Variants in SLC23A1 observed in about 807,000 individuals in gnomAD.
The protein encoded by SLC23A1 is solute carrier family 23 member 1.
SLC23A1 carries 31 observed loss-of-function variants against 62.5 expected under a neutral mutation model. That is an observed-to-expected ratio of 0.50 (90% CI 0.37 to 0.67). SLC23A1 has a LOEUF of 0.67. Among genes scored for constraint, SLC23A1 ranks in the 30% least tolerant of loss-of-function variants. SLC23A1 has a pLI of 0.00. For synonymous variants in SLC23A1, 271 were observed against 313.2 expected (o/e 0.87, Z 1.42); for missense variants, 640 against 782.7 (o/e 0.82, Z 2.18).
chr5:139,378,436 G>T lies in SLC23A1; in HGVS notation c.1180-85C>A, dbSNP rs1358172921. The T allele has an allele frequency of 1.3e-6, 2 of 1,500,104 alleles. No individual in the cohort carries two copies. Among genetic ancestry groups the T allele is most frequent in the Non-Finnish European group, 1.8e-6 (2 of 1,109,254 alleles). 92.9% of individuals were successfully genotyped at this position (1,500,104 alleles called of 1,614,324 possible). On this transcript the variant is annotated intron_variant, in intron 10 of 14. Coordinates refer to ENST00000348729, the MANE Select transcript of SLC23A1 (RefSeq NM_005847.5). This position sits in a 1 kb window ranked among gnomAD's most constrained non-coding sequence, Gnocchi z 4.5. ...CAGGGGCGGGGCCTGTTATAAGAGC[G>T]AGGCATAAACCGGCTGGGGCTTGAT...
rs1166688111 is a variant in SLC23A1, at chr5:139,378,218, T to A, written c.1309+4A>T. On this transcript the variant is annotated splice_donor_region_variant and intron_variant, in intron 11 of 14. Transcript: ENST00000348729. The surrounding 1 kb of genome is among the most constrained non-coding windows in gnomAD (Gnocchi z 4.5). ...GCGACCCGTGGCCCGCGCCAGACAC[T>A]CACCAAAGAGAGTGCAGAACATGCC... 6.2e-7 allele frequency: 1 copy of A among 1,612,256 alleles called. No homozygotes were observed. Among genetic ancestry groups the A allele is most frequent in the Non-Finnish European group, 8.5e-7 (1 of 1,179,364 alleles).
Position 139,379,106 on chromosome 5 carries a change from G to A in SLC23A1, c.1073+101C>T, listed in dbSNP as rs956221482. The A allele has an allele frequency of 4.1e-6, 5 of 1,226,416 alleles. No individual in the cohort carries two copies. Among genetic ancestry groups the A allele is most frequent in the South Asian group, 2.7e-5 (2 of 75,006 alleles). 76.0% of individuals were successfully genotyped at this position (1,226,416 alleles called of 1,614,324 possible). On this transcript the variant is annotated intron_variant, in intron 9 of 14. Coordinates refer to ENST00000348729, the MANE Select transcript of SLC23A1 (RefSeq NM_005847.5). This position sits in a 1 kb window ranked among gnomAD's most constrained non-coding sequence, Gnocchi z 4.7. ...AGAATGAGGTCTGGAGCGTGTTCCC[G>A]ACTTGCCTAAGCCTACCCCCTGGGC...
At chr5:139,376,168 GAT>G (rs1757934957) in intron 13 of SLC23A1, among the ~76,000 whole-genome samples, 1 of 35,948 alleles carries the variant, frequency 2.8e-5, no homozygotes, top group African/African-American at 1.1e-4. Flanking sequence ...CCAGATTTGC[GAT>G]GTTTTAATTT....
chr5:139,379,933 C>T lies in SLC23A1; in HGVS notation c.768+23G>A. On this transcript the variant is annotated intron_variant, in intron 7 of 14. Transcript: ENST00000348729. This position sits in a 1 kb window ranked among gnomAD's most constrained non-coding sequence, Gnocchi z 4.7. ...CCAAGCCCTGGCCATAGTCCCAGCC[C>T]CAGCCGCCTGCCAGGTCCTCACAGG... 5 of 1,614,132 alleles carry T rather than the reference C, an allele frequency of 3.1e-6. No homozygotes were observed. The highest frequency in any genetic ancestry group is 4.2e-6 in the Non-Finnish European group (5 of 1,180,016).
rs2152073045 is a variant in SLC23A1 at position 139,382,290 on chromosome 5, C to G, written c.150+202G>C. 5.0e-6 allele frequency: 3 copies of G among 600,904 alleles called. No individual in the cohort carries two copies. In the East Asian group the frequency reaches 8.3e-5, roughly 17 times the overall value. 37.2% of individuals were successfully genotyped at this position (600,904 alleles called of 1,614,324 possible). ...GGCTCTGCTCCCTGTCACCAACACCCCACCTGGCAAGCGTCACACTCCCCC... is the reference window on the plus strand; with the variant it reads ...GGCTCTGCTCCCTGTCACCAACACCGCACCTGGCAAGCGTCACACTCCCCC... On this transcript the variant is annotated intron_variant, in intron 2 of 14. Transcript: ENST00000348729.
intron 14 of SLC23A1, chr5:139,368,777 G>A (rs1757464404): frequency 6.2e-7 from 1 of 1,613,004 alleles, no homozygotes; most frequent in Non-Finnish European, 8.5e-7. Context: ...TTGTTCCTGG[G>A]GTGAAGTACG....
At chr5:139,368,227 A>G (rs544419822) in intron 14 of SLC23A1, among the ~76,000 whole-genome samples, 1 of 152,290 alleles carries the variant, frequency 6.6e-6, no homozygotes, top group Admixed American at 6.5e-5. Flanking sequence ...AGTCCCAGCT[A>G]CTCAGGAGGA....
intron 13 of SLC23A1, among the ~76,000 whole-genome samples, chr5:139,377,115 T>C (rs1227510842): frequency 6.7e-6 from 1 of 149,374 alleles, no homozygotes; most frequent in Non-Finnish European, 1.5e-5. Flanking sequence ...CGAGACTCCA[T>C]CTCGGAAAAA....
intron 13 of SLC23A1, among the ~76,000 whole-genome samples, chr5:139,377,049 G>T (rs967045107): frequency 6.6e-6 from 1 of 152,056 alleles, no homozygotes; most frequent in African/African-American, 2.4e-5. Flanking sequence ...CCTCCGGGAA[G>T]TGGAGGTTGC....
Position 139,379,387 on chromosome 5 carries a change from A to G in SLC23A1, c.926-33T>C, listed in dbSNP as rs1047009712. ...CGGAGGGAGACAGGATGGTGGCTACAGTGAGGAGACTGTGATGGTTAGGAA... is the reference window on the plus strand; with the variant it reads ...CGGAGGGAGACAGGATGGTGGCTACGGTGAGGAGACTGTGATGGTTAGGAA... On this transcript the variant is annotated intron_variant, in intron 8 of 14. Transcript: ENST00000348729. The surrounding 1 kb of genome is among the most constrained non-coding windows in gnomAD (Gnocchi z 4.7). 2 of 1,609,788 alleles carry G rather than the reference A, an allele frequency of 1.2e-6. No homozygotes were observed. The highest frequency in any genetic ancestry group is 2.7e-5 in the African/African-American group (2 of 74,852).
In SLC23A1 at chr5:139,378,491, G is replaced by A. The variant is rs1325501218; in HGVS notation, c.1179+88C>T. 5 of 1,425,852 alleles carry A rather than the reference G, an allele frequency of 3.5e-6. No homozygotes were observed. The East Asian group carries it at 7.4e-5, about 21-fold the overall frequency. 88.3% of individuals were successfully genotyped at this position (1,425,852 alleles called of 1,614,324 possible). ...GGGCGAGGCCTCTCAAAGACAGGGT[G>A]GGGCTAAACCAAAGTGGGGACCGAG... On this transcript the variant is annotated intron_variant, in intron 10 of 14. Coordinates refer to ENST00000348729, the MANE Select transcript of SLC23A1 (RefSeq NM_005847.5). This position sits in a 1 kb window ranked among gnomAD's most constrained non-coding sequence, Gnocchi z 4.5.
chr5:139,368,972 C>T (rs556352094), intron 14 of SLC23A1: 5 of 506,278 alleles, frequency 9.9e-6, no homozygotes, highest in Non-Finnish European at 1.4e-5. Context: ...AAGTAAAAAG[C>T]TGTCAAACAT....
chr5:139,379,620 A>G lies in SLC23A1; in HGVS notation c.925+58T>C. On this transcript the variant is annotated intron_variant, in intron 8 of 14. Coordinates refer to ENST00000348729, the MANE Select transcript of SLC23A1 (RefSeq NM_005847.5). The surrounding 1 kb of genome is among the most constrained non-coding windows in gnomAD (Gnocchi z 4.7). ...CACCTGCTGGATTGGGGTCACCAGGAGTCTGTCTCATAGGTGGTCTCAGTT... is the reference window on the plus strand; with the variant it reads ...CACCTGCTGGATTGGGGTCACCAGGGGTCTGTCTCATAGGTGGTCTCAGTT... 1 of 1,495,924 alleles carries G rather than the reference A, an allele frequency of 6.7e-7. No homozygotes were observed. The highest frequency in any genetic ancestry group is 9.2e-7 in the Non-Finnish European group (1 of 1,089,906). The allele number at this position is 1,495,924 out of a possible 1,614,324, so 92.7% of individuals were successfully genotyped here.
chr5:139,384,855 G>T, upstream of SLC23A1: 1 of 599,924 alleles, frequency 1.7e-6, no homozygotes, highest in Non-Finnish European at 2.1e-6. Flanking sequence ...GGTTTCTTGG[G>T]CCCTGACTTT....
chr5:139,381,377 G>T (rs2152072261), intron 3 of SLC23A1, among the ~76,000 whole-genome samples: 1 of 152,342 alleles, frequency 6.6e-6, no homozygotes, highest in South Asian at 2.1e-4. Context: ...GAGCCGGCTA[G>T]GCTTGGTGGC....
chr5:139,382,089 C>T (rs1164440720), intron 2 of SLC23A1, 40 bp from the exon 3 acceptor site: 1 of 1,574,096 alleles, frequency 6.4e-7, no homozygotes, highest in Non-Finnish European at 8.6e-7. Flanking sequence ...AGGCAGGACC[C>T]CAGAGCTCCA....
chr5:139,375,528 A>AC (rs575028577), intron 13 of SLC23A1, among the ~76,000 whole-genome samples: 1 of 151,408 alleles, frequency 6.6e-6, no homozygotes, highest in Non-Finnish European at 1.5e-5. Flanking sequence ...GGCAACATAG[A>AC]CCCCCATCTT....
At chr5:139,385,133 T>C (rs1465819572), upstream of SLC23A1, among the ~76,000 whole-genome samples, 1 of 152,226 alleles carries the variant, frequency 6.6e-6, no homozygotes, top group African/African-American at 2.4e-5. Flanking sequence ...TCTGCATCTG[T>C]CAAAGGGGGA....
chr5:139,378,073 A>T lies in SLC23A1; in HGVS notation c.1355T>A (p.Met452Lys), dbSNP rs1318853227. 6.2e-7 allele frequency: 1 copy of T among 1,614,076 alleles called. No individual in the cohort carries two copies. Among genetic ancestry groups the T allele is most frequent in the Non-Finnish European group, 8.5e-7 (1 of 1,180,028 alleles). ...CACGAAGAGGTTGCGAGAGGAGTTC[A>T]TGTCCACAAATTGCAGGTTGGACAG... ...VGLSNLQFVDMNSSRNLFVLG... is the reference protein window; with the variant it reads ...VGLSNLQFVDKNSSRNLFVLG... Residue 452 changes from methionine to lysine, a missense_variant, in exon 12 of 15, where the codon ATG becomes AAG. By Grantham distance (95) the Met-to-Lys change is moderately conservative. Transcript: ENST00000348729. The surrounding 1 kb of genome is among the most constrained non-coding windows in gnomAD (Gnocchi z 4.5).
Sources: allele counts gnomAD v4.1 joint callset (sites outside exome capture counted in the v4.1 genomes callset), GRCh38; gene constraint gnomAD v4.1.1; non-coding constraint Gnocchi (gnomAD v3.1); transcripts MANE v1.5; gene names NCBI Gene and HGNC (gene_info 2026-07-23, HGNC 2026-07-21).